The following SGMS1 variants were observed in gnomAD, a reference collection of about 807,000 sequenced individuals.
The protein encoded by SGMS1 is phosphatidylcholine:ceramide cholinephosphotransferase 1.
SGMS1 carries 13 observed loss-of-function variants against 46.2 expected under a neutral mutation model. The ratio of observed to expected loss-of-function variants is 0.28; its 90% CI spans 0.18 to 0.45. The LOEUF (loss-of-function observed/expected upper bound fraction) is 0.45. Among genes scored for constraint, SGMS1 ranks in the 20% least tolerant of loss-of-function variants. The probability of loss-of-function intolerance (pLI) is 1.00; values close to 1 mark genes in which losing one functional copy is unlikely to be tolerated. For synonymous variants in SGMS1, 203 were observed against 187.8 expected (o/e 1.08, Z -0.66); for missense variants, 324 against 519.9 (o/e 0.62, Z 3.66).
At chr10:50,383,213 A>T (rs1386306094) in intron 6 of SGMS1, among the ~76,000 whole-genome samples, 1 of 152,170 alleles carries the variant, frequency 6.6e-6, no homozygotes, top group Non-Finnish European at 1.5e-5. Context: ...TTTGTACTAC[A>T]TTTCTAATGA....
intron 9 of SGMS1, among the ~76,000 whole-genome samples, chr10:50,308,378 T>C (rs942875476): frequency 6.6e-6 from 1 of 152,166 alleles, no homozygotes; most frequent in Non-Finnish European, 1.5e-5. Flanking sequence ...TCTTACTTGA[T>C]TCATACAATC....
intron 6 of SGMS1, among the ~76,000 whole-genome samples, chr10:50,423,403 C>A (rs1588811546): frequency 1.3e-5 from 2 of 152,326 alleles, no homozygotes; most frequent in African/African-American, 4.8e-5. Flanking sequence ...TGTACCCATA[C>A]AGACTGGCTG....
At chr10:50,316,836 C>T (rs1847347180) in intron 8 of SGMS1, among the ~76,000 whole-genome samples, 1 of 152,152 alleles carries the variant, frequency 6.6e-6, no homozygotes, top group Non-Finnish European at 1.5e-5. Flanking sequence ...CTGAGAAACA[C>T]ACCTTACACA....
At position 50,307,224 on chromosome 10, in the gene SGMS1, C is replaced by T. The variant is rs1564869339; in HGVS notation, c.1160G>A (p.Arg387Gln). Residue 387 changes from arginine (R) to glutamine (Q), a missense_variant, in exon 11 of 11, where the codon CGA becomes CAA. Arg to Gln is a conservative substitution (Grantham distance 43). Coordinates refer to ENST00000361781, the MANE Select transcript of SGMS1 (RefSeq NM_147156.4). The surrounding 1 kb of genome is among the most constrained non-coding windows in gnomAD (Gnocchi z 4.2). ...FEKNVQGIVP[R>Q]SYHWPFPWPV... Reference sequence around the variant, plus strand: ...CCAGGGGAAAGGCCAATGGTAAGATCGAGGTACAATTCCTTGGACATTCTT... The same window carrying T: ...CCAGGGGAAAGGCCAATGGTAAGATTGAGGTACAATTCCTTGGACATTCTT... 2.5e-6 allele frequency: 4 copies of T among 1,614,040 alleles called. No homozygotes were observed. Among genetic ancestry groups the T allele is most frequent in the Non-Finnish European group, 8.5e-7 (1 of 1,179,974 alleles).
At chr10:50,398,122 C>T (rs1848873275) in intron 6 of SGMS1, among the ~76,000 whole-genome samples, 1 of 152,156 alleles carries the variant, frequency 6.6e-6, no homozygotes, top group South Asian at 2.1e-4. Context: ...GTGAGGCAGA[C>T]AAGTTTGGTG....
intron 5 of SGMS1, among the ~76,000 whole-genome samples, chr10:50,451,493 T>TA (rs1481997496): frequency 6.6e-6 from 1 of 152,178 alleles, no homozygotes; most frequent in Non-Finnish European, 1.5e-5. Flanking sequence ...TAATACATGC[T>TA]AAAAATTATT....
intron 5 of SGMS1, among the ~76,000 whole-genome samples, chr10:50,440,495 T>C (rs1167971804): frequency 6.6e-6 from 1 of 152,168 alleles, no homozygotes; most frequent in Non-Finnish European, 1.5e-5. Flanking sequence ...CTCCATGATT[T>C]AAATGCATCT....
chr10:50,364,059 T>A (rs1183138115), intron 6 of SGMS1, among the ~76,000 whole-genome samples: 2 of 151,864 alleles, frequency 1.3e-5, no homozygotes, highest in African/African-American at 4.8e-5. Context: ...TGTAAATTCC[T>A]AGTCAATATG....
chr10:50,371,648 A>G (rs922080328), intron 6 of SGMS1, among the ~76,000 whole-genome samples: 1 of 152,284 alleles, frequency 6.6e-6, no homozygotes, highest in South Asian at 2.1e-4. Flanking sequence ...TATGTTTCAC[A>G]TGATGGGCTT....
chr10:50,452,045 A>T (rs556948232), intron 5 of SGMS1, among the ~76,000 whole-genome samples: 1 of 152,288 alleles, frequency 6.6e-6, no homozygotes, highest in Non-Finnish European at 1.5e-5. Flanking sequence ...AACAAATAAT[A>T]TTTCCTTATT....
intron 6 of SGMS1, among the ~76,000 whole-genome samples, chr10:50,408,764 C>T (rs567511711): frequency 9.7e-4 from 148 of 151,860 alleles, no homozygotes; most frequent in African/African-American, 2.9e-3. Context: ...GCTATTGGGT[C>T]GGGGGGGCAG....
At chr10:50,442,530 A>C (rs1849559720) in intron 5 of SGMS1, among the ~76,000 whole-genome samples, 2 of 152,092 alleles carry the variant, frequency 1.3e-5, no homozygotes, top group African/African-American at 4.8e-5. Context: ...GTTCTTTTGG[A>C]TGGCTGCATA....
intron 2 of SGMS1, among the ~76,000 whole-genome samples, chr10:50,532,273 G>C (rs1393194790): frequency 7.2e-6 from 1 of 138,804 alleles, no homozygotes; most frequent in Non-Finnish European, 1.6e-5. Flanking sequence ...GTGTGTGTGT[G>C]TCCTGTGATG....
chr10:50,421,853 T>A (rs973121514), intron 6 of SGMS1, among the ~76,000 whole-genome samples: 1 of 152,278 alleles, frequency 6.6e-6, no homozygotes, highest in Middle Eastern at 3.4e-3. Context: ...AAGGGACCCA[T>A]GCAGGTGGCT....
At chr10:50,347,987 C>T (rs916492783) in intron 6 of SGMS1, among the ~76,000 whole-genome samples, 5 of 152,116 alleles carry the variant, frequency 3.3e-5, no homozygotes, top group African/African-American at 1.2e-4. Context: ...GTTTTAAGCC[C>T]CTCATGCATT....
intron 3 of SGMS1, among the ~76,000 whole-genome samples, chr10:50,493,526 C>A (rs1164774608): frequency 6.6e-6 from 1 of 152,048 alleles, no homozygotes; most frequent in Non-Finnish European, 1.5e-5. Flanking sequence ...TATCAATAAA[C>A]AGACAACCTA....
chr10:50,404,360 G>T (rs1321196025), intron 6 of SGMS1, among the ~76,000 whole-genome samples: 2 of 151,112 alleles, frequency 1.3e-5, no homozygotes, highest in Non-Finnish European at 2.9e-5. Context: ...TAAGCCCAGT[G>T]CTTTGAGAGT....
chr10:50,616,690 A>G (rs1838801123), intron 1 of SGMS1, among the ~76,000 whole-genome samples: 1 of 152,198 alleles, frequency 6.6e-6, no homozygotes, highest in South Asian at 2.1e-4. Flanking sequence ...ATCTGTCCCA[A>G]AACACCTATT....
intron 1 of SGMS1, among the ~76,000 whole-genome samples, chr10:50,593,220 G>T (rs1261414508): frequency 1.3e-5 from 2 of 152,222 alleles, no homozygotes; most frequent in African/African-American, 4.8e-5. Flanking sequence ...CTTGGAACCA[G>T]ATCCTTCAGC....
Sources: gnomAD v4.1 joint callset for allele counts (sites outside exome capture counted in the v4.1 genomes callset) on GRCh38, gnomAD v4.1.1 for gene constraint, Gnocchi (gnomAD v3.1) non-coding constraint, MANE v1.5 for transcripts, NCBI Gene and HGNC (gene_info 2026-07-23, HGNC 2026-07-21) for gene names.